FBXW10B: variants seen among roughly 807,000 people sequenced by gnomAD.
FBXW10B encodes F-box and WD repeat domain containing protein 10B.
At chr17:15,567,149 G>A in the FBXW10B span, among the ~76,000 whole-genome samples, 3 of 151,656 alleles carry the variant, frequency 2.0e-5, no homozygotes, top group African/African-American at 7.3e-5. Flanking sequence ...GCAGGCGCCT[G>A]TAATCCTAGC....
At chr17:15,598,065 T>C in the FBXW10B span, among the ~76,000 whole-genome samples, 1 of 152,118 alleles carries the variant, frequency 6.6e-6, no homozygotes, top group Non-Finnish European at 1.5e-5. Flanking sequence ...TTTATGTATA[T>C]ATCTTGGCCC....
At chr17:15,569,533 C>T in the FBXW10B span, among the ~76,000 whole-genome samples, 2 of 133,110 alleles carry the variant, frequency 1.5e-5, no homozygotes, top group African/African-American at 5.8e-5. Context: ...AGGACTATGG[C>T]TCACTGCACC....
the FBXW10B span, among the ~76,000 whole-genome samples, chr17:15,612,224 C>T: frequency 0.029 from 4,365 of 152,110 alleles, 144 homozygotes; most frequent in East Asian, 0.15. Flanking sequence ...GAGGAAGTGT[C>T]GGGCTGGGCG....
chr17:15,588,702 T>G, the FBXW10B span: 1 of 662,412 alleles, frequency 1.5e-6, no homozygotes, highest in African/African-American at 1.8e-5. Flanking sequence ...GTTTGTTTCA[T>G]AAAGAGGATT....
the FBXW10B span, chr17:15,574,062 G>A: frequency 1.4e-6 from 1 of 692,414 alleles, no homozygotes; most frequent in Admixed American, 2.3e-5. Context: ...GGAGAGGAAT[G>A]TCTCGTCTTC....
the FBXW10B span, among the ~76,000 whole-genome samples, chr17:15,587,758 A>G: frequency 2.6e-5 from 4 of 152,118 alleles, no homozygotes; most frequent in African/African-American, 9.7e-5. Context: ...CATAGGGTAA[A>G]GTCTGCCTCT....
At chr17:15,584,038 C>T in the FBXW10B span, among the ~76,000 whole-genome samples, 9 of 152,244 alleles carry the variant, frequency 5.9e-5, no homozygotes, top group South Asian at 2.1e-4. Flanking sequence ...CCTGACAGTA[C>T]GTGTCAAAAT....
chr17:15,587,053 C>T, the FBXW10B span, among the ~76,000 whole-genome samples: 8 of 151,644 alleles, frequency 5.3e-5, no homozygotes, highest in Middle Eastern at 6.8e-3. Flanking sequence ...CTATAAGGAA[C>T]GAAAGTGGAA....
At chr17:15,576,463 G>T in the FBXW10B span, among the ~76,000 whole-genome samples, 3 of 152,196 alleles carry the variant, frequency 2.0e-5, no homozygotes, top group East Asian at 5.8e-4. Context: ...GAATAGATCA[G>T]TACAAACAAG....
the FBXW10B span, chr17:15,612,911 T>C: frequency 4.6e-6 from 7 of 1,508,456 alleles, no homozygotes; most frequent in Admixed American, 1.3e-4. Context: ...AAACTAGTTC[T>C]TGGCAAAATC....
chr17:15,589,100 T>C, the FBXW10B span: 5 of 1,551,204 alleles, frequency 3.2e-6, no homozygotes, highest in African/African-American at 2.9e-5. Flanking sequence ...TGTCCTGCGA[T>C]GTGGAGTCTC....
chr17:15,588,855 G>A, the FBXW10B span: 27 of 1,613,972 alleles, frequency 1.7e-5, no homozygotes, highest in East Asian at 4.5e-5. Context: ...TTTCCAGCCC[G>A]TTGCTAGCTG....
chr17:15,592,945 A>G, the FBXW10B span, among the ~76,000 whole-genome samples: 3 of 151,162 alleles, frequency 2.0e-5, no homozygotes, highest in Non-Finnish European at 2.9e-5. Flanking sequence ...TCTACTAAAA[A>G]TACTAAAAAT....
the FBXW10B span, chr17:15,607,477 T>C: frequency 1.0e-6 from 1 of 1,004,278 alleles, no homozygotes; most frequent in African/African-American, 1.6e-5. Flanking sequence ...TGAGGAGAGC[T>C]TGCCTTTCCA....
chr17:15,612,733 C>T, the FBXW10B span: 10 of 1,613,924 alleles, frequency 6.2e-6, no homozygotes, highest in Non-Finnish European at 7.6e-6. Flanking sequence ...GGATGTTTCA[C>T]ACGCATGCTC....
At chr17:15,575,237 C>T in the FBXW10B span, among the ~76,000 whole-genome samples, 66 of 147,894 alleles carry the variant, frequency 4.5e-4, no homozygotes, top group African/African-American at 1.7e-3. Flanking sequence ...GGAATGTTTC[C>T]GGGGGTCCTT....
the FBXW10B span, among the ~76,000 whole-genome samples, chr17:15,591,533 C>A: frequency 6.6e-6 from 1 of 152,164 alleles, no homozygotes; most frequent in South Asian, 2.1e-4. Flanking sequence ...AATGATCCAC[C>A]CACCTCGGCC....
the FBXW10B span, chr17:15,613,417 C>G: frequency 0.051 from 24,664 of 485,766 alleles, 2,912 homozygotes; most frequent in African/African-American, 0.42. Context: ...GTCCTTGTGA[C>G]ATGCACTGAC....
chr17:15,601,358 G>T, the FBXW10B span, among the ~76,000 whole-genome samples: 2 of 141,226 alleles, frequency 1.4e-5, no homozygotes, highest in South Asian at 2.2e-4. Flanking sequence ...GCAGTGAGCT[G>T]AGATCGCACT....
Sources: allele counts gnomAD v4.1 joint callset (sites outside exome capture counted in the v4.1 genomes callset), GRCh38; gene constraint gnomAD v4.1.1; transcripts MANE v1.5; gene names NCBI Gene and HGNC (gene_info 2026-07-23, HGNC 2026-07-21).